The following BLTP1 variants were observed in gnomAD, a reference collection of about 807,000 sequenced individuals.
BLTP1 encodes the protein bridge-like lipid transfer protein family member 1.
the BLTP1 span, chr4:122,226,716 C>T: frequency 6.2e-7 from 1 of 1,613,302 alleles, no homozygotes; most frequent in African/African-American, 1.3e-5. Context: ...GCTGGCATGC[C>T]TCTTGGAGTG....
At chr4:122,224,821 G>A in the BLTP1 span, 2 of 1,548,808 alleles carry the variant, frequency 1.3e-6, no homozygotes, top group South Asian at 1.2e-5. Context: ...TTGCCATTCA[G>A]AATTTTAGTT....
chr4:122,298,122 A>G, the BLTP1 span: 1 of 699,146 alleles, frequency 1.4e-6, no homozygotes, highest in Non-Finnish European at 1.8e-6. Context: ...ATAATAGTAG[A>G]TTCATATTTT....
chr4:122,246,216 A>G, the BLTP1 span: 1 of 1,608,502 alleles, frequency 6.2e-7, no homozygotes. Context: ...ACGACTAACC[A>G]AGGACAAGCA....
chr4:122,340,607 T>G, the BLTP1 span: 1 of 332,434 alleles, frequency 3.0e-6, no homozygotes, highest in African/African-American at 2.2e-5. Context: ...GGAAATCATT[T>G]GTTTTGCTGT....
At chr4:122,305,805 TTAA>T in the BLTP1 span, 7 of 1,407,010 alleles carry the variant, frequency 5.0e-6, no homozygotes, top group Admixed American at 1.5e-4. Flanking sequence ...AACAATACCA[TTAA>T]TAATGTTTAG....
At chr4:122,240,374 T>C in the BLTP1 span, 1 of 1,582,578 alleles carries the variant, frequency 6.3e-7, no homozygotes, top group South Asian at 1.1e-5. Context: ...AATCATTAGT[T>C]TCCATTGATA....
At chr4:122,320,343 G>T in the BLTP1 span, among the ~76,000 whole-genome samples, 1 of 151,968 alleles carries the variant, frequency 6.6e-6, no homozygotes, top group Non-Finnish European at 1.5e-5. Context: ...TGGGGACAGG[G>T]TCTTGCTATG....
the BLTP1 span, among the ~76,000 whole-genome samples, chr4:122,282,496 G>T: frequency 1.3e-5 from 2 of 152,072 alleles, no homozygotes; most frequent in African/African-American, 4.8e-5. Flanking sequence ...ACAAAAATTA[G>T]CTGGGCATGA....
the BLTP1 span, among the ~76,000 whole-genome samples, chr4:122,352,381 A>T: frequency 2.4e-5 from 3 of 123,640 alleles, no homozygotes; most frequent in Admixed American, 1.8e-4. Flanking sequence ...TTTTTTTGAG[A>T]CAGGTTCTCA....
the BLTP1 span, chr4:122,201,886 G>A: frequency 2.0e-6 from 2 of 984,856 alleles, no homozygotes; most frequent in Non-Finnish European, 2.4e-6. Flanking sequence ...CATCGATGCT[G>A]AGTACTATTA....
the BLTP1 span, chr4:122,210,131 T>C: frequency 7.1e-6 from 3 of 421,856 alleles, no homozygotes; most frequent in African/African-American, 6.5e-5. Flanking sequence ...GCTTCTATTA[T>C]CTTCTATTAT....
chr4:122,298,265 T>C, the BLTP1 span: 1 of 934,850 alleles, frequency 1.1e-6, no homozygotes, highest in Non-Finnish European at 1.3e-6. Context: ...GTGTTGTGTT[T>C]GTTGTATCTC....
the BLTP1 span, chr4:122,164,596 T>A: frequency 5.8e-6 from 1 of 171,460 alleles, no homozygotes; most frequent in African/African-American, 2.4e-5. Flanking sequence ...AAAGTTCCTC[T>A]TTTTCCCTTT....
At chr4:122,339,350 T>C in the BLTP1 span, 1 of 1,613,468 alleles carries the variant, frequency 6.2e-7, no homozygotes, top group Non-Finnish European at 8.5e-7. Flanking sequence ...CTTTATCCCC[T>C]GGAGGTAATG....
chr4:122,343,624 G>GT, the BLTP1 span: 1 of 1,609,680 alleles, frequency 6.2e-7, no homozygotes, highest in Admixed American at 1.7e-5. Context: ...TACTTTGCAT[G>GT]TTTATGTCTT....
chr4:122,362,431 A>G, the BLTP1 span: 2 of 462,030 alleles, frequency 4.3e-6, no homozygotes, highest in Non-Finnish European at 7.6e-6. Flanking sequence ...ATTGCATGAT[A>G]ATGTAAATTT....
the BLTP1 span, chr4:122,221,704 A>G: frequency 2.9e-6 from 2 of 701,056 alleles, no homozygotes; most frequent in African/African-American, 1.9e-5. Context: ...CCTCTCTATA[A>G]TTAGCAGGTC....
At chr4:122,180,130 C>T in the BLTP1 span, 1 of 985,008 alleles carries the variant, frequency 1.0e-6, no homozygotes, top group Non-Finnish European at 1.2e-6. Context: ...TCTTCAGGAA[C>T]TGGACAAAGG....
the BLTP1 span, chr4:122,200,905 A>G: frequency 6.8e-7 from 1 of 1,467,470 alleles, no homozygotes; most frequent in Non-Finnish European, 9.1e-7. Context: ...TCAGTAGGAA[A>G]ATGTTTTAAT....
Sources: allele counts gnomAD v4.1 joint callset (sites outside exome capture counted in the v4.1 genomes callset), GRCh38; gene constraint gnomAD v4.1.1; transcripts MANE v1.5; gene names NCBI Gene and HGNC (gene_info 2026-07-23, HGNC 2026-07-21).